Variants in DPP10 observed in about 807,000 individuals in gnomAD.
The protein encoded by DPP10 is dipeptidyl peptidase like 10, also known as inactive dipeptidyl peptidase 10.
A neutral mutation model predicts 120.9 loss-of-function variants in DPP10; 33 were observed. The ratio of observed to expected loss-of-function variants is 0.27; its 90% CI spans 0.21 to 0.37. The LOEUF (loss-of-function observed/expected upper bound fraction) is 0.37. Ranked by LOEUF, DPP10 falls within the 10% of genes least tolerant of loss-of-function variation. The pLI is 1.00. For missense variants in DPP10, 816 were observed against 942.8 expected (o/e 0.87, Z 1.76); for synonymous variants, 337 against 326.1 (o/e 1.03, Z -0.36).
In DPP10 at chr2:115,380,715, G is replaced by A. The variant is rs995959534; in HGVS notation, c.271+36803G>A. On this transcript the variant is annotated intron_variant, in intron 3 of 25. Transcript: ENST00000410059. Reference sequence around the variant, plus strand: ...CCAGTTGTTCCTTTCCATGTTTAGTGCTTCCTTCAGGAGCTCTTTTAGGGC... The same window carrying A: ...CCAGTTGTTCCTTTCCATGTTTAGTACTTCCTTCAGGAGCTCTTTTAGGGC... Among the ~76,000 whole-genome samples, 11 of 152,124 alleles carry A rather than the reference G, an allele frequency of 7.2e-5. No individual in the cohort carries two copies. The East Asian group carries it at 1.2e-3, about 16-fold the overall frequency.
chr2:114,698,538 G>A (rs1700198386), intron 1 of DPP10, among the ~76,000 whole-genome samples: 1 of 152,098 alleles, frequency 6.6e-6, no homozygotes, highest in African/African-American at 2.4e-5. Flanking sequence ...ATCAATACAG[G>A]AGGGTCAAGG....
At chr2:115,108,657 T>A (rs887047073) in intron 1 of DPP10, among the ~76,000 whole-genome samples, 2 of 152,070 alleles carry the variant, frequency 1.3e-5, no homozygotes, top group African/African-American at 2.4e-5. Flanking sequence ...GAAAAAAAAA[T>A]TTAAATTGAA....
At chr2:115,427,101 C>T (rs1164328717) in intron 3 of DPP10, among the ~76,000 whole-genome samples, 1 of 152,162 alleles carries the variant, frequency 6.6e-6, no homozygotes, top group Admixed American at 6.5e-5. Flanking sequence ...ATGAAATGTC[C>T]CACATACAGG....
At chr2:114,889,590 A>G (rs1173127195) in intron 1 of DPP10, among the ~76,000 whole-genome samples, 1 of 152,052 alleles carries the variant, frequency 6.6e-6, no homozygotes, top group East Asian at 1.9e-4. Context: ...CAAGCAGTTA[A>G]TTTTGTTGGG....
intron 1 of DPP10, among the ~76,000 whole-genome samples, chr2:114,659,467 A>G (rs1049593779): frequency 1.3e-5 from 2 of 152,192 alleles, no homozygotes; most frequent in Non-Finnish European, 2.9e-5. Flanking sequence ...TCTGACTTTA[A>G]AAAAATCCCC....
chr2:115,565,264 A>G (rs1307064433), intron 5 of DPP10, among the ~76,000 whole-genome samples: 2 of 152,200 alleles, frequency 1.3e-5, no homozygotes, highest in Non-Finnish European at 2.9e-5. Context: ...ATTTAATGAA[A>G]TACTATAAAC....
chr2:115,837,195 A>G (rs1475384997), intron 24 of DPP10, among the ~76,000 whole-genome samples: 1 of 152,236 alleles, frequency 6.6e-6, no homozygotes, highest in Non-Finnish European at 1.5e-5. Flanking sequence ...ATGAAATTCT[A>G]ATGAGGTTAC....
chr2:115,622,676 T>G (rs1322563375), intron 5 of DPP10, among the ~76,000 whole-genome samples: 2 of 151,940 alleles, frequency 1.3e-5, no homozygotes, highest in African/African-American at 4.8e-5. Context: ...CCATCAGCAA[T>G]ATCTGAGGAT....
chr2:115,128,838 T>C (rs185007860), intron 1 of DPP10, among the ~76,000 whole-genome samples: 2 of 152,234 alleles, frequency 1.3e-5, no homozygotes, highest in African/African-American at 4.8e-5. Context: ...TTCTAGTCAC[T>C]GAACTTGTTC....
chr2:115,373,137 G>C (rs563364428), intron 3 of DPP10, among the ~76,000 whole-genome samples: 5 of 152,278 alleles, frequency 3.3e-5, no homozygotes, highest in South Asian at 2.1e-4. Context: ...GCTGAACATA[G>C]TAGGAAAAGT....
At chr2:114,545,657 A>T (rs1266173434) in intron 1 of DPP10, among the ~76,000 whole-genome samples, 1 of 152,154 alleles carries the variant, frequency 6.6e-6, no homozygotes, top group East Asian at 1.9e-4. Context: ...CTTTTTGCAA[A>T]AAAACAGTCT....
At chr2:115,343,782 G>A (rs1376087745) in intron 2 of DPP10, 35 bp from the exon 3 acceptor site, 1 of 1,479,018 alleles carries the variant, frequency 6.8e-7, no homozygotes, top group Admixed American at 1.8e-5. Flanking sequence ...ACAAGCATAA[G>A]ATAGGCATCT....
At chr2:115,459,938 T>TATATATATATATATATATATATATACAC (rs66927327) in intron 3 of DPP10, among the ~76,000 whole-genome samples, 4 of 128,526 alleles carry the variant, frequency 3.1e-5, no homozygotes, top group Admixed American at 8.8e-5. Context: ...TATATATATA[T>TATATATATATATATATATATATATACAC]ACACACACAC....
At chr2:114,907,430 T>TA (rs1694057289) in intron 1 of DPP10, among the ~76,000 whole-genome samples, 1 of 152,134 alleles carries the variant, frequency 6.6e-6, no homozygotes, top group South Asian at 2.1e-4. Context: ...AAATATAGAA[T>TA]TTACAGCTAT....
chr2:115,626,721 T>A lies in DPP10; in HGVS notation c.442-62966T>A, dbSNP rs546512403. ...GTTGGATTTTCTTTAGAAGTATCAG[T>A]ATAACCCTGTTAGACATAGACACAT... On this transcript the variant is annotated intron_variant, in intron 5 of 25. Coordinates refer to ENST00000410059, the MANE Select transcript of DPP10 (RefSeq NM_020868.6). Among the ~76,000 whole-genome samples the A allele has an allele frequency of 2.6e-5, 4 of 152,282 alleles. No individual in the cohort carries two copies. In the East Asian group the frequency reaches 7.7e-4, roughly 29 times the overall value.
rs1690529703 is a variant in DPP10, at chr2:115,845,349, G to A, written c.*3004G>A. On this transcript the variant is annotated 3_prime_UTR_variant, in exon 26 of 26. Coordinates refer to ENST00000410059, the MANE Select transcript of DPP10 (RefSeq NM_020868.6). ...GCTCACTTTCACTTTCTGTTCTGGG[G>A]ATTCTCTGATACTAATTTTGGCTAC... 6.6e-6 allele frequency: 1 copy of A among 152,164 alleles called. No homozygotes were observed. Among genetic ancestry groups the A allele is most frequent in the Admixed American group, 6.5e-5 (1 of 15,268 alleles). 9.4% of individuals were successfully genotyped at this position (152,164 alleles called of 1,614,324 possible).
At chr2:114,736,181 A>G (rs1677413533) in intron 1 of DPP10, among the ~76,000 whole-genome samples, 1 of 151,790 alleles carries the variant, frequency 6.6e-6, no homozygotes. Context: ...TGCATTTCCA[A>G]CTATCCCCTC....
At chr2:114,510,838 A>C (rs1266360081) in intron 1 of DPP10, among the ~76,000 whole-genome samples, 6 of 152,242 alleles carry the variant, frequency 3.9e-5, no homozygotes, top group Admixed American at 2.6e-4. Flanking sequence ...TTCCTGGCCT[A>C]CAGTGAAGTG....
intron 1 of DPP10, among the ~76,000 whole-genome samples, chr2:115,141,056 T>C (rs9678610): frequency 0.033 from 5,073 of 152,176 alleles, 86 homozygotes; most frequent in Non-Finnish European, 0.037. Context: ...ATAAGAACAA[T>C]TGAGTTAGAG....
Sources: allele counts gnomAD v4.1 joint callset (sites outside exome capture counted in the v4.1 genomes callset), GRCh38; gene constraint gnomAD v4.1.1; transcripts MANE v1.5; gene names NCBI Gene and HGNC (gene_info 2026-07-23, HGNC 2026-07-21).